CACYBP: variants seen among roughly 807,000 people sequenced by gnomAD.
CACYBP encodes calcyclin-binding protein.
Under a neutral mutation model 29.6 loss-of-function variants are expected in CACYBP, and 11 were observed. The ratio of observed to expected loss-of-function variants is 0.37; its 90% CI spans 0.23 to 0.61. CACYBP has a LOEUF of 0.61. CACYBP is among the 20% of genes least tolerant of loss of function. The probability of loss-of-function intolerance (pLI) is 0.65; values close to 1 mark genes in which losing one functional copy is unlikely to be tolerated. For missense variants in CACYBP, 163 were observed against 260.7 expected (o/e 0.63, Z 2.58); for synonymous variants, 73 against 88.3 (o/e 0.83, Z 0.97).
At chr1:175,000,878 G>A (rs950736744) in intron 1 of CACYBP, among the ~76,000 whole-genome samples, 2 of 152,190 alleles carry the variant, frequency 1.3e-5, no homozygotes, top group African/African-American at 4.8e-5. Flanking sequence ...TCTGAACGTT[G>A]GAGAATTAAA....
intron 5 of CACYBP, among the ~76,000 whole-genome samples, 166 bp from the exon 6 acceptor site, chr1:175,009,754 GTGT>G (rs1427775987): frequency 6.6e-6 from 1 of 151,742 alleles, no homozygotes; most frequent in Non-Finnish European, 1.5e-5. Context: ...TGATACGTGT[GTGT>G]TGTTTTCATT....
At chr1:175,003,075 TTGGAAGGG>T (rs1672530217) in intron 1 of CACYBP, among the ~76,000 whole-genome samples, 1 of 152,040 alleles carries the variant, frequency 6.6e-6, no homozygotes, top group African/African-American at 2.4e-5. Context: ...TGAGCTGTTC[TTGGAAGGG>T]TCGAGAGTGT....
At position 175,004,780 on chromosome 1, in the gene CACYBP, C is replaced by T; in HGVS notation, c.182C>T (p.Ala61Val). The change falls in exon 2 of 6, where the codon GCT becomes GTT. Residue 61 changes from alanine to valine, a missense_variant. By Grantham distance (64) the Ala-to-Val change is moderately conservative. Transcript: ENST00000367679. ...KAELLDNEKP[A>V]AVVAPITTGY... Reference sequence around the variant, plus strand: ...GAACTTCTTGATAATGAAAAACCAGCTGCTGTGGTTGCTCCCATTACAACG... The same window carrying T: ...GAACTTCTTGATAATGAAAAACCAGTTGCTGTGGTTGCTCCCATTACAACG... 2 of 1,613,706 alleles carry T rather than the reference C, an allele frequency of 1.2e-6. No homozygotes were observed. The highest frequency in any genetic ancestry group is 8.5e-7 in the Non-Finnish European group (1 of 1,179,650).
intron 1 of CACYBP, among the ~76,000 whole-genome samples, chr1:175,003,494 A>G (rs1353066010): frequency 6.6e-6 from 1 of 152,248 alleles, no homozygotes; most frequent in African/African-American, 2.4e-5. Context: ...TGAGATAACA[A>G]AAGACTTGTA....
upstream of CACYBP, chr1:174,999,925 A>G (rs1224644217): frequency 1.1e-5 from 6 of 546,102 alleles, no homozygotes; most frequent in Admixed American, 3.6e-5. Flanking sequence ...CGAGGCGAGG[A>G]AGGGTGGGTG....
intron 2 of CACYBP, among the ~76,000 whole-genome samples, chr1:175,005,982 A>AG (rs1460334454): frequency 6.6e-6 from 1 of 152,196 alleles, no homozygotes; most frequent in African/African-American, 2.4e-5. Context: ...AACGTCATGG[A>AG]GGATGGGGCA....
chr1:175,008,475 C>G, intron 4 of CACYBP, 134 bp from the exon 5 acceptor site: 1 of 549,892 alleles, frequency 1.8e-6, no homozygotes, highest in Non-Finnish European at 3.3e-6. Flanking sequence ...CCTATTCATA[C>G]AAGTATTACT....
Position 175,011,224 on chromosome 1 carries a change from A to T in CACYBP, c.*1145A>T, listed in dbSNP as rs368560590. On this transcript the variant is annotated 3_prime_UTR_variant, in exon 6 of 6. Coordinates refer to ENST00000367679, the MANE Select transcript of CACYBP (RefSeq NM_014412.3). ...AGAAGTGGTAGGATTTAAAATACAG[A>T]AACAGTTTATGTATAGGATAGCTAT... 6.6e-6 allele frequency: 1 copy of T among 152,104 alleles called. No homozygotes were observed. 9.4% of individuals were successfully genotyped at this position (152,104 alleles called of 1,614,324 possible).
Position 175,007,121 on chromosome 1 carries a change from A to C in CACYBP, c.356A>C (p.Asn119Thr). The part of the protein sequence containing the change: ...TERSFDLLVK[N>T]LNGKSYSMIV... ...AGGTCATTTGATCTTTTGGTAAAGA[A>C]TCTAAATGGGAAGAGTTACTCCATG... Residue 119 changes from asparagine (N) to threonine (T), a missense_variant, in exon 4 of 6, where the codon AAT (asparagine) becomes ACT (threonine). Coordinates refer to ENST00000367679, the MANE Select transcript of CACYBP (RefSeq NM_014412.3). 3 of 1,608,448 alleles carry C rather than the reference A, an allele frequency of 1.9e-6. No individual in the cohort carries two copies. Among genetic ancestry groups the C allele is most frequent in the Non-Finnish European group, 2.6e-6 (3 of 1,175,452 alleles).
At chr1:175,001,656 G>A (rs978186841) in intron 1 of CACYBP, among the ~76,000 whole-genome samples, 2 of 152,220 alleles carry the variant, frequency 1.3e-5, no homozygotes, top group Admixed American at 1.3e-4. Context: ...GCGTGTATCA[G>A]TACACATGCT....
At chr1:175,005,922 A>G (rs994993391) in intron 2 of CACYBP, among the ~76,000 whole-genome samples, 8 of 152,146 alleles carry the variant, frequency 5.3e-5, no homozygotes, top group African/African-American at 1.9e-4. Context: ...TAGTAGGTGT[A>G]TATATTTATG....
Position 174,999,989 on chromosome 1 carries a change from C to G in CACYBP, c.-192C>G. 1.3e-6 allele frequency: 1 copy of G among 765,580 alleles called. No individual in the cohort carries two copies. Among genetic ancestry groups the G allele is most frequent in the Middle Eastern group, 3.8e-4 (1 of 2,644 alleles). 47.4% of individuals were successfully genotyped at this position (765,580 alleles called of 1,614,324 possible). A position where few individuals can be genotyped will look rare whatever the true frequency, so the allele number is the denominator to read the frequency against. ...CGCGGTGGGCGGTGGCGGCGGCTGC[C>G]TCGCGAAGGTTCGAGATCCGTCGCG... On this transcript the variant is annotated 5_prime_UTR_variant, in exon 1 of 6. Transcript: ENST00000367679.
rs1558322728 is a variant in CACYBP, at chr1:174,999,994, G to T, written c.-187G>T. 3 of 800,076 alleles carry T rather than the reference G, an allele frequency of 3.7e-6. No individual in the cohort carries two copies. The highest frequency in any genetic ancestry group is 5.8e-6 in the Non-Finnish European group (3 of 513,474). The allele number at this position is 800,076 out of a possible 1,614,324, so 49.6% of individuals were successfully genotyped here. ...TGGGCGGTGGCGGCGGCTGCCTCGCGAAGGTTCGAGATCCGTCGCGTGCGG... is the reference window on the plus strand; with the variant it reads ...TGGGCGGTGGCGGCGGCTGCCTCGCTAAGGTTCGAGATCCGTCGCGTGCGG... On this transcript the variant is annotated 5_prime_UTR_variant, in exon 1 of 6. Transcript: ENST00000367679.
At chr1:175,007,649 G>A (rs1005851797) in intron 4 of CACYBP, among the ~76,000 whole-genome samples, 16 of 152,134 alleles carry the variant, frequency 1.1e-4, no homozygotes, top group Admixed American at 5.9e-4. Context: ...GCATTTATGC[G>A]ATAGTAATAA....
At chr1:175,000,492 T>C in intron 1 of CACYBP, 1 of 1,321,412 alleles carries the variant, frequency 7.6e-7, no homozygotes, top group Middle Eastern at 2.9e-4. Flanking sequence ...TTGCGCGTGT[T>C]CCTCAGGCCC....
At chr1:175,002,047 TA>T (rs1672504963) in intron 1 of CACYBP, among the ~76,000 whole-genome samples, 1 of 152,186 alleles carries the variant, frequency 6.6e-6, no homozygotes, top group African/African-American at 2.4e-5. Context: ...CGCCTGGCCT[TA>T]TTTCCACTTC....
chr1:175,000,668 C>T, intron 1 of CACYBP: 1 of 950,750 alleles, frequency 1.1e-6, no homozygotes, highest in Non-Finnish European at 1.3e-6. Flanking sequence ...AGCTGTGTTA[C>T]TCTGGGCAAG....
chr1:175,008,524 C>T, intron 4 of CACYBP, 85 bp from the exon 5 acceptor site: 1 of 746,400 alleles, frequency 1.3e-6, no homozygotes, highest in Non-Finnish European at 2.4e-6. Context: ...GGGACTTGAT[C>T]AATTGAATAG....
At position 175,000,153 on chromosome 1, in the gene CACYBP, C is replaced by G; in HGVS notation, c.-28C>G. 1 of 1,601,592 alleles carries G rather than the reference C, an allele frequency of 6.2e-7. No individual in the cohort carries two copies. Among genetic ancestry groups the G allele is most frequent in the Non-Finnish European group, 8.5e-7 (1 of 1,174,012 alleles). ...TGTTCCTCCTTCTGCGCGGCTGCAGCTCGGGACTTCGGCCTGACCCAGCCC... is the reference window on the plus strand; with the variant it reads ...TGTTCCTCCTTCTGCGCGGCTGCAGGTCGGGACTTCGGCCTGACCCAGCCC... On this transcript the variant is annotated 5_prime_UTR_variant, in exon 1 of 6. Transcript: ENST00000367679.
Sources: allele counts gnomAD v4.1 joint callset (sites outside exome capture counted in the v4.1 genomes callset), GRCh38; gene constraint gnomAD v4.1.1; transcripts MANE v1.5; gene names NCBI Gene and HGNC (gene_info 2026-07-23, HGNC 2026-07-21).